GLI3: variants seen among roughly 807,000 people sequenced by gnomAD.
The protein encoded by GLI3 is transcription activator GLI3.
A neutral mutation model predicts 100.8 loss-of-function variants in GLI3; 20 were observed. The observed-to-expected ratio is 0.20, with a 90% CI of 0.14 to 0.29. The LOEUF (loss-of-function observed/expected upper bound fraction) is 0.29, where lower values mean the gene tolerates loss of function less well. GLI3 is among the 10% of genes least tolerant of loss of function. The pLI, the probability that GLI3 is intolerant of heterozygous loss-of-function variation, is 1.00. For synonymous variants in GLI3, 938 were observed against 860.5 expected (o/e 1.09, Z -1.58); for missense variants, 2,040 against 2,128.5 (o/e 0.96, Z 0.82).
chr7:42,162,951 G>A (rs966335083), intron 2 of GLI3, among the ~76,000 whole-genome samples: 3 of 145,782 alleles, frequency 2.1e-5, no homozygotes, highest in Non-Finnish European at 4.5e-5. Context: ...TCCAGGGGAA[G>A]GAGGAATAAA....
chr7:42,220,664 G>C (rs1463443152), intron 2 of GLI3, among the ~76,000 whole-genome samples: 1 of 152,206 alleles, frequency 6.6e-6, no homozygotes, highest in Non-Finnish European at 1.5e-5. Context: ...AGAGGACTCT[G>C]TAAAAAAGAC....
intron 3 of GLI3, among the ~76,000 whole-genome samples, chr7:42,080,102 G>T (rs1273871463): frequency 1.3e-5 from 2 of 152,154 alleles, no homozygotes; most frequent in Admixed American, 1.3e-4. Context: ...TCATTTTCAA[G>T]AAATTATTCT....
intron 3 of GLI3, among the ~76,000 whole-genome samples, chr7:42,132,494 A>C (rs1177119887): frequency 1.3e-5 from 2 of 152,206 alleles, no homozygotes; most frequent in African/African-American, 2.4e-5. Flanking sequence ...AGAGAGCTTC[A>C]AGGTTTCTTT....
Position 41,964,946 on chromosome 7 carries a change from C to G in GLI3, c.4127G>C (p.Ser1376Thr). The change falls in exon 15 of 15, where the codon AGC (serine) becomes ACC (threonine). Residue 1376 changes from serine (S) to threonine (T), a missense_variant. Physicochemically the swap from Ser to Thr is moderately conservative, Grantham distance 58 (BLOSUM62 1). Coordinates refer to ENST00000395925, the MANE Select transcript of GLI3 (RefSeq NM_000168.6). ...GAHGMGSQPS[S>T]LAVVRGYQPC... is the part of the protein sequence containing the mutation. ...CTGGTAGCCCCTGACAACTGCCAAG[C>G]TTGACGGCTGGCTGCCCATGCCGTG... The G allele has an allele frequency of 1.2e-6, 2 of 1,613,794 alleles. No homozygotes were observed. Among genetic ancestry groups the G allele is most frequent in the Non-Finnish European group, 1.7e-6 (2 of 1,180,046 alleles).
chr7:42,089,050 C>T (rs578206462), intron 3 of GLI3, among the ~76,000 whole-genome samples: 1 of 152,336 alleles, frequency 6.6e-6, no homozygotes, highest in East Asian at 1.9e-4. Flanking sequence ...TCTTCATAAA[C>T]TATACTTGGT....
At chr7:42,120,663 T>C (rs1230221396) in intron 3 of GLI3, among the ~76,000 whole-genome samples, 5 of 152,212 alleles carry the variant, frequency 3.3e-5, no homozygotes, top group Non-Finnish European at 5.9e-5. Flanking sequence ...CAAAACAGTA[T>C]TTCAAAGAAT....
intron 4 of GLI3, among the ~76,000 whole-genome samples, chr7:42,060,050 G>C (rs896996176): frequency 2.0e-5 from 3 of 152,228 alleles, no homozygotes; most frequent in Non-Finnish European, 4.4e-5. Context: ...TTAAAAGCCT[G>C]CTTTGCTCTC....
intron 5 of GLI3, among the ~76,000 whole-genome samples, chr7:42,046,999 T>C (rs1227124393): frequency 6.6e-6 from 1 of 151,890 alleles, no homozygotes; most frequent in Non-Finnish European, 1.5e-5. Context: ...CTACAAAAAA[T>C]ATAAAAATTA....
chr7:42,226,112 A>C (rs1788575829), intron 1 of GLI3, among the ~76,000 whole-genome samples: 1 of 152,062 alleles, frequency 6.6e-6, no homozygotes, highest in Admixed American at 6.6e-5. Flanking sequence ...TGATCCAAAC[A>C]CTCCATTCTT....
intron 3 of GLI3, among the ~76,000 whole-genome samples, chr7:42,120,584 C>G (rs1286782128): frequency 6.6e-6 from 1 of 152,186 alleles, no homozygotes; most frequent in African/African-American, 2.4e-5. Context: ...GTTTATTACC[C>G]CCTCTCCTTG....
intron 3 of GLI3, chr7:42,113,445 G>C: frequency 1.4e-6 from 1 of 736,948 alleles, no homozygotes; most frequent in Non-Finnish European, 2.5e-6. Flanking sequence ...GATCCACAAA[G>C]TTGTCTGCTA....
At position 42,030,708 on chromosome 7, in the gene GLI3, T is replaced by G. The variant is rs1461012645; in HGVS notation, c.1029-4296A>C. ...CTATTGTTGATTTGTTTTTTTTTTT[T>G]TTGTTTTTTTGTTTCTTGTTTTTTT... On this transcript the variant is annotated intron_variant, in intron 7 of 14. Coordinates refer to ENST00000395925, the MANE Select transcript of GLI3 (RefSeq NM_000168.6). Among the ~76,000 whole-genome samples the G allele has an allele frequency of 4.0e-3, 613 of 151,662 alleles. 7 individuals carry two copies. The highest frequency in any genetic ancestry group is 0.012 in the African/African-American group (510 of 41,246).
chr7:42,176,037 G>A (rs780607149), intron 2 of GLI3, among the ~76,000 whole-genome samples: 1 of 152,110 alleles, frequency 6.6e-6, no homozygotes, highest in Non-Finnish European at 1.5e-5. Context: ...CTGGCACCAA[G>A]TCTGAACTTG....
At chr7:42,232,126 C>T (rs1284631527) in intron 1 of GLI3, among the ~76,000 whole-genome samples, 1 of 151,916 alleles carries the variant, frequency 6.6e-6, no homozygotes, top group Non-Finnish European at 1.5e-5. Flanking sequence ...ACCACCTAGC[C>T]CCCTCCCCTC....
chr7:42,130,602 G>T (rs1056796977), intron 3 of GLI3, among the ~76,000 whole-genome samples: 6 of 152,060 alleles, frequency 3.9e-5, no homozygotes, highest in Non-Finnish European at 8.8e-5. Context: ...AAGACATACA[G>T]GATATCAGAG....
At chr7:42,200,466 A>G (rs1332794663) in intron 2 of GLI3, among the ~76,000 whole-genome samples, 1 of 152,212 alleles carries the variant, frequency 6.6e-6, no homozygotes, top group Non-Finnish European at 1.5e-5. Context: ...TAGATGCAGA[A>G]AGCCAGAGAA....
At chr7:41,985,017 T>C (rs1223979199) in intron 10 of GLI3, among the ~76,000 whole-genome samples, 3 of 152,236 alleles carry the variant, frequency 2.0e-5, no homozygotes, top group Non-Finnish European at 4.4e-5. Flanking sequence ...GTGTTCCATA[T>C]ATAAACATCT....
intron 10 of GLI3, among the ~76,000 whole-genome samples, chr7:41,994,055 C>T (rs535642602): frequency 6.8e-4 from 104 of 152,218 alleles, no homozygotes; most frequent in Admixed American, 1.2e-3. Flanking sequence ...AGGGTTCTGG[C>T]ATTTAAATGG....
At chr7:42,205,858 C>T (rs539667764) in intron 2 of GLI3, among the ~76,000 whole-genome samples, 3 of 152,216 alleles carry the variant, frequency 2.0e-5, no homozygotes, top group South Asian at 2.1e-4. Context: ...CTTTGATATA[C>T]GCCTGGGAAG....
Sources: gnomAD v4.1 joint callset for allele counts (sites outside exome capture counted in the v4.1 genomes callset) on GRCh38, gnomAD v4.1.1 for gene constraint, MANE v1.5 for transcripts, NCBI Gene and HGNC (gene_info 2026-07-23, HGNC 2026-07-21) for gene names.